Variants in FBXL2 observed in about 807,000 individuals in gnomAD.
The protein encoded by FBXL2 is F-box and leucine rich repeat protein 2.
Under a neutral mutation model 69.2 loss-of-function variants are expected in FBXL2, and 38 were observed. That is an observed-to-expected ratio of 0.55 (90% CI 0.42 to 0.72). FBXL2 has a LOEUF of 0.72. FBXL2 is among the 30% of genes least tolerant of loss of function. The probability of loss-of-function intolerance (pLI) is 0.00; values close to 1 mark genes in which losing one functional copy is unlikely to be tolerated. For missense variants in FBXL2, 354 were observed against 520.3 expected (o/e 0.68, Z 3.11); for synonymous variants, 192 against 201.3 (o/e 0.95, Z 0.39).
At chr3:33,417,588 T>C in the FBXL2 span, among the ~76,000 whole-genome samples, 694 of 152,372 alleles carry the variant, frequency 4.6e-3, 4 homozygotes, top group African/African-American at 0.016. Context: ...TTTCCACTTT[T>C]AGTGTTTATT....
At chr3:33,384,608 T>C (rs537284429) in intron 14 of FBXL2, among the ~76,000 whole-genome samples, 4 of 152,322 alleles carry the variant, frequency 2.6e-5, no homozygotes, top group East Asian at 3.9e-4. Context: ...GCAATAGTTA[T>C]GCAAACTGAT....
chr3:33,317,112 A>G (rs958175843), intron 2 of FBXL2, among the ~76,000 whole-genome samples: 20 of 152,218 alleles, frequency 1.3e-4, no homozygotes, highest in African/African-American at 4.3e-4. Context: ...TGCCCAGGCC[A>G]GTCTTGAACT....
At chr3:33,331,869 A>G (rs1005699584) in intron 2 of FBXL2, among the ~76,000 whole-genome samples, 5 of 152,206 alleles carry the variant, frequency 3.3e-5, no homozygotes, top group Admixed American at 6.5e-5. Context: ...AAAATGTAGC[A>G]TAGAGAGATG....
intron 5 of FBXL2, among the ~76,000 whole-genome samples, chr3:33,367,095 T>G (rs956710915): frequency 5.3e-5 from 8 of 151,932 alleles, no homozygotes; most frequent in African/African-American, 1.9e-4. Flanking sequence ...AAAGTCAGTT[T>G]CTTTTTTTTT....
At chr3:33,366,075 T>C (rs1232198999) in intron 5 of FBXL2, among the ~76,000 whole-genome samples, 1 of 152,232 alleles carries the variant, frequency 6.6e-6, no homozygotes, top group Non-Finnish European at 1.5e-5. Context: ...TTAAATGTTA[T>C]GGAACAAAAT....
At chr3:33,362,205 G>A (rs1458971915) in intron 4 of FBXL2, among the ~76,000 whole-genome samples, 1 of 152,146 alleles carries the variant, frequency 6.6e-6, no homozygotes, top group African/African-American at 2.4e-5. Context: ...CTGAATACGT[G>A]TAGTTTACCT....
chr3:33,345,076 A>G (rs1056274988), intron 2 of FBXL2, among the ~76,000 whole-genome samples: 6 of 152,252 alleles, frequency 3.9e-5, no homozygotes, highest in Admixed American at 6.5e-5. Context: ...AACATTTACT[A>G]TATTCATTTT....
At chr3:33,341,866 A>AGGCTCTGG (rs2040044531) in intron 2 of FBXL2, among the ~76,000 whole-genome samples, 1 of 148,478 alleles carries the variant, frequency 6.7e-6, no homozygotes, top group Non-Finnish European at 1.5e-5. Flanking sequence ...GGACAGGTGA[A>AGGCTCTGG]GGCTCTGGGG....
At chr3:33,383,444 G>A (rs1353011728) in intron 13 of FBXL2, 2 of 156,742 alleles carry the variant, frequency 1.3e-5, no homozygotes, top group Admixed American at 1.2e-4. Flanking sequence ...TTACCCAAGA[G>A]AAGTCAGTAA....
At chr3:33,395,246 G>A (rs1334328164) in intron 12 of FBXL2, among the ~76,000 whole-genome samples, 1 of 151,886 alleles carries the variant, frequency 6.6e-6, no homozygotes, top group Non-Finnish European at 1.5e-5. Flanking sequence ...CAATTTTTCA[G>A]TAAAATTCAA....
chr3:33,287,068 T>C (rs1057220880), intron 1 of FBXL2, among the ~76,000 whole-genome samples: 1 of 152,104 alleles, frequency 6.6e-6, no homozygotes, highest in African/African-American at 2.4e-5. Context: ...GGTACCTCAG[T>C]TGGAAATGCA....
intron 2 of FBXL2, among the ~76,000 whole-genome samples, chr3:33,350,843 CTAATG>C (rs1436477069): frequency 6.6e-6 from 1 of 152,124 alleles, no homozygotes; most frequent in East Asian, 1.9e-4. Context: ...GAAGTCCTAT[CTAATG>C]TAATAAGGCA....
intron 2 of FBXL2, among the ~76,000 whole-genome samples, chr3:33,311,405 A>G (rs2037179884): frequency 6.6e-6 from 1 of 152,062 alleles, no homozygotes; most frequent in Non-Finnish European, 1.5e-5. Context: ...CCACCCTCCT[A>G]TAATGGGTAT....
intron 2 of FBXL2, among the ~76,000 whole-genome samples, chr3:33,341,938 G>T (rs1448985556): frequency 1.3e-5 from 2 of 149,504 alleles, no homozygotes; most frequent in African/African-American, 4.9e-5. Flanking sequence ...TAAGATGTTT[G>T]CCTTATAAGT....
chr3:33,369,426 T>C (rs188662546), intron 5 of FBXL2, among the ~76,000 whole-genome samples: 1 of 152,262 alleles, frequency 6.6e-6, no homozygotes, highest in East Asian at 1.9e-4. Flanking sequence ...ATATGTTTAG[T>C]TGTTGCTTTA....
At chr3:33,371,685 CATG>C (rs1391520933) in intron 5 of FBXL2, among the ~76,000 whole-genome samples, 1 of 152,030 alleles carries the variant, frequency 6.6e-6, no homozygotes, top group Non-Finnish European at 1.5e-5. Flanking sequence ...TCTATGAAAA[CATG>C]ATAATTTTTT....
intron 2 of FBXL2, among the ~76,000 whole-genome samples, chr3:33,307,257 C>A (rs973267827): frequency 1.3e-5 from 2 of 152,076 alleles, no homozygotes; most frequent in Non-Finnish European, 1.5e-5. Flanking sequence ...CTGTGGCATT[C>A]CTGACAAAAA....
At chr3:33,281,926 T>A (rs1363741885) in intron 1 of FBXL2, among the ~76,000 whole-genome samples, 1 of 152,134 alleles carries the variant, frequency 6.6e-6, no homozygotes, top group African/African-American at 2.4e-5. Context: ...ATTTAAGTTA[T>A]TTGTAGATTC....
intron 2 of FBXL2, among the ~76,000 whole-genome samples, chr3:33,309,421 A>G (rs1432176815): frequency 1.3e-5 from 2 of 152,180 alleles, no homozygotes; most frequent in Admixed American, 1.3e-4. Flanking sequence ...ATATAAGTAT[A>G]TAGCTACTCT....
Sources: gnomAD v4.1 joint callset for allele counts (sites outside exome capture counted in the v4.1 genomes callset) on GRCh38, gnomAD v4.1.1 for gene constraint, MANE v1.5 for transcripts, NCBI Gene and HGNC (gene_info 2026-07-23, HGNC 2026-07-21) for gene names.